INTS10: variants seen among roughly 807,000 people sequenced by gnomAD.
The protein encoded by INTS10 is chromosome 8 open reading frame 35.
In INTS10, 44 loss-of-function variants were observed where a neutral mutation model predicts 94.4. That is an observed-to-expected ratio of 0.47 (90% CI 0.37 to 0.60). The LOEUF (loss-of-function observed/expected upper bound fraction) is 0.60, where lower values mean the gene tolerates loss of function less well. Among genes scored for constraint, INTS10 ranks in the 20% least tolerant of loss-of-function variants. The pLI, the probability that INTS10 is intolerant of heterozygous loss-of-function variation, is 0.00. For missense variants in INTS10, 797 were observed against 868.7 expected (o/e 0.92, Z 1.04); for synonymous variants, 341 against 320.7 (o/e 1.06, Z -0.68).
chr8:19,849,324 G>T lies in INTS10; in HGVS notation c.1977-2325G>T, dbSNP rs1458654262. On this transcript the variant is annotated intron_variant, in intron 16 of 16. Coordinates refer to ENST00000397977, the MANE Select transcript of INTS10 (RefSeq NM_018142.4). The surrounding 1 kb of genome is among the most constrained non-coding windows in gnomAD (Gnocchi z 4.6). Reference sequence around the variant, plus strand: ...ATGGTTCTCAGCTCTTCGTTCCTCAGTGCTCTTTTTCATGCTTTCTTTCTT... The same window carrying T: ...ATGGTTCTCAGCTCTTCGTTCCTCATTGCTCTTTTTCATGCTTTCTTTCTT... 5 of 523,122 alleles carry T rather than the reference G, an allele frequency of 9.6e-6. No homozygotes were observed. In the African/African-American group the frequency reaches 1.0e-4, roughly 11 times the overall value. 32.4% of individuals were successfully genotyped at this position (523,122 alleles called of 1,614,324 possible).
intron 2 of INTS10, chr8:19,818,544 T>C: frequency 1.8e-6 from 1 of 558,054 alleles, no homozygotes; most frequent in East Asian, 3.0e-5. Context: ...TATTCTTATG[T>C]TTTATCCTTG....
At chr8:19,824,672 C>T (rs2066652186) in intron 7 of INTS10, 131 bp from the exon 8 acceptor site, 2 of 590,944 alleles carry the variant, frequency 3.4e-6, no homozygotes, top group Admixed American at 3.5e-5. Flanking sequence ...TTATATTGGA[C>T]AATAAAGAAT....
rs2069029464 is a variant in INTS10, at chr8:19,851,494, A to G, written c.1977-155A>G. Reference sequence around the variant, plus strand: ...TCTTTCTGAAGAGAAATGGGCTGGAATGTTTGGTTGGTTGCAGCTATTCTT... The same window carrying G: ...TCTTTCTGAAGAGAAATGGGCTGGAGTGTTTGGTTGGTTGCAGCTATTCTT... On this transcript the variant is annotated intron_variant, in intron 16 of 16. Coordinates refer to ENST00000397977, the MANE Select transcript of INTS10 (RefSeq NM_018142.4). This position sits in a 1 kb window ranked among gnomAD's most constrained non-coding sequence, Gnocchi z 5.0. 6.6e-6 allele frequency among the ~76,000 whole-genome samples: 1 copy of G among 152,232 alleles called. No individual in the cohort carries two copies. Among genetic ancestry groups the G allele is most frequent in the Non-Finnish European group, 1.5e-5 (1 of 68,042 alleles).
intron 12 of INTS10, among the ~76,000 whole-genome samples, chr8:19,836,700 T>C (rs1488868029): frequency 6.6e-6 from 1 of 152,262 alleles, no homozygotes; most frequent in African/African-American, 2.4e-5. Flanking sequence ...ATTGTTAGTT[T>C]TTCTATGCAG....
At chr8:19,844,045 C>T in intron 14 of INTS10, 31 bp from the exon 15 acceptor site, 1 of 1,536,578 alleles carries the variant, frequency 6.5e-7, no homozygotes, top group Non-Finnish European at 8.8e-7. Flanking sequence ...CTTCCTTTTC[C>T]TTCTGTCTTG....
At position 19,843,162 on chromosome 8, in the gene INTS10, G is replaced by T. The variant is rs1002442754; in HGVS notation, c.1719+235G>T. 2.0e-5 allele frequency among the ~76,000 whole-genome samples: 3 copies of T among 152,218 alleles called. No homozygotes were observed. Among genetic ancestry groups the T allele is most frequent in the African/African-American group, 7.2e-5 (3 of 41,446 alleles). On this transcript the variant is annotated intron_variant, in intron 14 of 16. Transcript: ENST00000397977. The surrounding 1 kb of genome is among the most constrained non-coding windows in gnomAD (Gnocchi z 4.7). ...CCTCAAAAAGTGTAATAGTGGGACA[G>T]ATATGCAAATAACCTTGACTGTTGT... is the stretch of plus-strand genomic sequence containing the variant.
chr8:19,820,600 A>G, intron 4 of INTS10, 82 bp downstream of exon 4: 2 of 1,280,662 alleles, frequency 1.6e-6, no homozygotes, highest in South Asian at 1.6e-5. Flanking sequence ...AGGAGCTACA[A>G]AGCAGAAGTT....
chr8:19,824,819 T>C lies in INTS10; in HGVS notation c.853T>C (p.Leu285=). The C allele has an allele frequency of 6.2e-7, 1 of 1,609,062 alleles. No homozygotes were observed. Among genetic ancestry groups the C allele is most frequent in the Non-Finnish European group, 8.5e-7 (1 of 1,176,910 alleles). ...CCTTTTTAGAAGCTATGGAGATATT[T>C]TGCATAGAATGAAGGATCTCTGCAG... is the stretch of plus-strand genomic sequence containing the variant. The part of the protein sequence containing the change: ...DKGRRSYGDI[L]HRMKDLCRYM... Residue 285 remains leucine (L), a synonymous_variant, in exon 8 of 17, where the codon TTG becomes CTG. Transcript: ENST00000397977.
chr8:19,836,003 G>A (rs544257836), intron 12 of INTS10, among the ~76,000 whole-genome samples: 1 of 152,152 alleles, frequency 6.6e-6, no homozygotes, highest in African/African-American at 2.4e-5. Flanking sequence ...CAGGGGGTCG[G>A]GGGCAAGGAG....
intron 15 of INTS10, 77 bp downstream of exon 15, chr8:19,844,315 C>G (rs752729169): frequency 1.4e-5 from 15 of 1,065,432 alleles, no homozygotes; most frequent in Non-Finnish European, 2.1e-5. Flanking sequence ...AAGAATGAAC[C>G]ATTCTGGATA....
chr8:19,832,138 C>T, intron 11 of INTS10, 28 bp downstream of exon 11: 1 of 1,228,434 alleles, frequency 8.1e-7, no homozygotes, highest in Non-Finnish European at 1.2e-6. Context: ...TTTTAGGTAC[C>T]TGTGTCTGTA....
At chr8:19,832,184 C>T (rs1332205902) in intron 11 of INTS10, 74 bp downstream of exon 11, 6 of 820,362 alleles carry the variant, frequency 7.3e-6, no homozygotes, top group African/African-American at 1.7e-5. Flanking sequence ...CTTTCCTATG[C>T]AGAATGTGTC....
intron 13 of INTS10, among the ~76,000 whole-genome samples, chr8:19,840,518 C>G (rs766670729): frequency 1.3e-5 from 2 of 152,072 alleles, no homozygotes; most frequent in East Asian, 3.8e-4. Context: ...AATTAAGTGA[C>G]TTATACTACA....
intron 12 of INTS10, among the ~76,000 whole-genome samples, chr8:19,835,436 A>T (rs1008505456): frequency 6.6e-6 from 1 of 152,236 alleles, no homozygotes; most frequent in Non-Finnish European, 1.5e-5. Flanking sequence ...GGAAAAAAGT[A>T]TAAGTGTTTG....
In INTS10 at chr8:19,826,389, T is replaced by C; in HGVS notation, c.1007-37T>C. The C allele has an allele frequency of 2.5e-6, 4 of 1,579,180 alleles. No individual in the cohort carries two copies. In the East Asian group the frequency reaches 6.9e-5, roughly 27 times the overall value. ...GAGCCACCGCGCCTGGCCTCCTTGC[T>C]GCACTGGTAAGTGTTGGTGTTTTTC... On this transcript the variant is annotated intron_variant, in intron 8 of 16. Transcript: ENST00000397977.
At chr8:19,832,659 A>G (rs1392097342) in intron 11 of INTS10, among the ~76,000 whole-genome samples, 1 of 152,356 alleles carries the variant, frequency 6.6e-6, no homozygotes, top group East Asian at 1.9e-4. Context: ...TGTAAAAGTA[A>G]GATTTTTACT....
Position 19,843,610 on chromosome 8 carries a change from C to T in INTS10, c.1720-466C>T, listed in dbSNP as rs982716091. 2.0e-5 allele frequency among the ~76,000 whole-genome samples: 3 copies of T among 152,212 alleles called. 1 individual carries two copies. The highest frequency in any genetic ancestry group is 2.0e-4 in the Admixed American group (3 of 15,278). On this transcript the variant is annotated intron_variant, in intron 14 of 16. Coordinates refer to ENST00000397977, the MANE Select transcript of INTS10 (RefSeq NM_018142.4). The surrounding 1 kb of genome is among the most constrained non-coding windows in gnomAD (Gnocchi z 4.7). ...CTGTTTTGACCATTTCTTTAGTTCACACTTCTGCTTATTTCCTTGTGGCTC... is the reference window on the plus strand; with the variant it reads ...CTGTTTTGACCATTTCTTTAGTTCATACTTCTGCTTATTTCCTTGTGGCTC...
At chr8:19,826,322 T>G (rs2066786546) in intron 8 of INTS10, 104 bp from the exon 9 acceptor site, 1 of 1,196,100 alleles carries the variant, frequency 8.4e-7, no homozygotes, top group East Asian at 2.6e-5. Context: ...GCTCAGGCAA[T>G]CCTCCTGCCT....
intron 12 of INTS10, among the ~76,000 whole-genome samples, chr8:19,834,462 T>A (rs1180160772): frequency 6.6e-6 from 1 of 152,222 alleles, no homozygotes. Flanking sequence ...ATTAATTCCT[T>A]TTAAGAACTT....
Sources: gnomAD v4.1 joint callset for allele counts (sites outside exome capture counted in the v4.1 genomes callset) on GRCh38, gnomAD v4.1.1 for gene constraint, Gnocchi (gnomAD v3.1) non-coding constraint, MANE v1.5 for transcripts, NCBI Gene and HGNC (gene_info 2026-07-23, HGNC 2026-07-21) for gene names.